The following EYA2 variants were observed in gnomAD, a reference collection of about 807,000 sequenced individuals.
The protein encoded by EYA2 is EYA transcriptional coactivator and phosphatase 2.
A neutral mutation model predicts 69.2 loss-of-function variants in EYA2; 31 were observed. The ratio of observed to expected loss-of-function variants is 0.45; its 90% CI spans 0.34 to 0.60. The LOEUF (loss-of-function observed/expected upper bound fraction) is 0.60, where lower values mean the gene tolerates loss of function less well. Ranked by LOEUF, EYA2 falls within the 20% of genes least tolerant of loss-of-function variation. The probability of loss-of-function intolerance (pLI) is 0.02; values close to 1 mark genes in which losing one functional copy is unlikely to be tolerated. For missense variants in EYA2, 622 were observed against 701.2 expected, an observed-to-expected ratio of 0.89 and a Z score of 1.28; for synonymous variants, 257 against 279.4, an observed-to-expected ratio of 0.92 and a Z score of 0.80.
rs1022934221 is a variant in EYA2 at position 47,161,316 on chromosome 20, G to A, written c.979-7823G>A. 6.5e-5 allele frequency: 33 copies of A among 508,456 alleles called. No homozygotes were observed. The Admixed American group carries it at 6.6e-4, about 10-fold the overall frequency. 31.5% of individuals were successfully genotyped at this position (508,456 alleles called of 1,614,324 possible). ...CCTTGGAGCACTTAACACCCAGATCGACATACCATTATAGTCACCGATGAC... is the reference window on the plus strand; with the variant it reads ...CCTTGGAGCACTTAACACCCAGATCAACATACCATTATAGTCACCGATGAC... On this transcript the variant is annotated intron_variant, in intron 10 of 15. Transcript: ENST00000327619.
At chr20:47,056,167 C>T (rs949587144) in intron 5 of EYA2, among the ~76,000 whole-genome samples, 1 of 152,156 alleles carries the variant, frequency 6.6e-6, no homozygotes, top group African/African-American at 2.4e-5. Context: ...CTAGACTCCA[C>T]GTGGAGCAAA....
chr20:47,034,614 C>G (rs1013916719), intron 5 of EYA2, among the ~76,000 whole-genome samples: 1 of 152,186 alleles, frequency 6.6e-6, no homozygotes, highest in East Asian at 1.9e-4. Context: ...GCCCGAGGCC[C>G]TGTCCCCACC....
At chr20:46,950,889 G>T (rs1432807341) in intron 1 of EYA2, among the ~76,000 whole-genome samples, 1 of 152,184 alleles carries the variant, frequency 6.6e-6, no homozygotes, top group East Asian at 1.9e-4. Context: ...ATGAAGCGAA[G>T]GAAAGTAACA....
intron 5 of EYA2, among the ~76,000 whole-genome samples, chr20:47,055,255 A>G (rs1386173643): frequency 6.6e-6 from 1 of 152,174 alleles, no homozygotes; most frequent in Non-Finnish European, 1.5e-5. Context: ...GTATCAGTGA[A>G]AATCTCTCTC....
intron 1 of EYA2, among the ~76,000 whole-genome samples, chr20:46,895,508 A>C (rs1983760872): frequency 6.6e-6 from 1 of 152,092 alleles, no homozygotes; most frequent in Admixed American, 6.5e-5. Context: ...ATTTCTTTTC[A>C]AAAGTCCGTT....
chr20:47,095,461 T>C (rs950858437), intron 8 of EYA2, among the ~76,000 whole-genome samples: 1 of 152,096 alleles, frequency 6.6e-6, no homozygotes, highest in Admixed American at 6.5e-5. Flanking sequence ...TGTAGAAAGA[T>C]GCAAGTCATT....
chr20:47,107,739 G>C (rs919786474), intron 9 of EYA2, among the ~76,000 whole-genome samples: 4 of 146,210 alleles, frequency 2.7e-5, no homozygotes, highest in Non-Finnish European at 6.1e-5. Context: ...AAAAGAAAAA[G>C]AAGAAGAGAG....
intron 7 of EYA2, among the ~76,000 whole-genome samples, chr20:47,074,929 T>G (rs916545844): frequency 2.0e-5 from 3 of 152,118 alleles, no homozygotes; most frequent in Admixed American, 6.5e-5. Flanking sequence ...CTGGCCAACA[T>G]GATGAAACCC....
At chr20:46,904,757 G>T (rs1387650627) in intron 1 of EYA2, among the ~76,000 whole-genome samples, 1 of 152,178 alleles carries the variant, frequency 6.6e-6, no homozygotes, top group Non-Finnish European at 1.5e-5. Flanking sequence ...GAACCTTCCA[G>T]ATCTGATATG....
intron 5 of EYA2, among the ~76,000 whole-genome samples, chr20:47,043,028 G>T (rs989107669): frequency 2.0e-5 from 3 of 152,164 alleles, no homozygotes; most frequent in Admixed American, 6.5e-5. Flanking sequence ...CCCATTAGGC[G>T]ACTGTAAATA....
intron 9 of EYA2, among the ~76,000 whole-genome samples, chr20:47,127,276 T>C (rs1197066083): frequency 1.3e-5 from 2 of 152,150 alleles, no homozygotes; most frequent in African/African-American, 4.8e-5. Flanking sequence ...TTCCCAAACA[T>C]CTACCTCTAC....
At chr20:47,147,936 G>A (rs368806301) in intron 10 of EYA2, among the ~76,000 whole-genome samples, 68 of 152,008 alleles carry the variant, frequency 4.5e-4, no homozygotes, top group African/African-American at 1.5e-3. Flanking sequence ...GCAGGCGCCT[G>A]TAATCCCAGC....
chr20:46,987,916 G>GACTCTGTCTCTCTC (rs56288405), intron 1 of EYA2, among the ~76,000 whole-genome samples: 1 of 20,352 alleles, frequency 4.9e-5, no homozygotes, highest in Non-Finnish European at 9.6e-5. Context: ...GACAGAGTAA[G>GACTCTGTCTCTCTC]TCTCTCTCTC....
At chr20:46,961,255 G>A (rs578196177) in intron 1 of EYA2, among the ~76,000 whole-genome samples, 4 of 152,186 alleles carry the variant, frequency 2.6e-5, no homozygotes, top group Non-Finnish European at 4.4e-5. Flanking sequence ...AAACCCAGGA[G>A]ACGGAGGTTA....
chr20:46,961,144 G>A (rs887825915), intron 1 of EYA2, among the ~76,000 whole-genome samples: 11 of 152,176 alleles, frequency 7.2e-5, no homozygotes, highest in African/African-American at 2.7e-4. Flanking sequence ...AGACCAGCCT[G>A]CCCAACACAG....
chr20:47,147,686 A>G (rs77817349), intron 10 of EYA2, among the ~76,000 whole-genome samples: 1,944 of 152,278 alleles, frequency 0.013, 36 homozygotes, highest in African/African-American at 0.045. Context: ...ACTCCAGAGG[A>G]CAAGGATTGA....
At chr20:46,964,531 C>G (rs1245856678) in intron 1 of EYA2, among the ~76,000 whole-genome samples, 3 of 152,190 alleles carry the variant, frequency 2.0e-5, no homozygotes, top group Non-Finnish European at 4.4e-5. Context: ...TTGCCTCCAA[C>G]CCCTCCCTGG....
In EYA2 at chr20:47,188,485, C is replaced by G. The variant is rs977461633; in HGVS notation, c.*352C>G. On this transcript the variant is annotated 3_prime_UTR_variant, in exon 16 of 16. Coordinates refer to ENST00000327619, the MANE Select transcript of EYA2 (RefSeq NM_005244.5). ...TCTTGTCTTCTTTTTAATTTATGGA[C>G]TAGTCTCATTACTCCGGAATTATGC... 9 of 535,010 alleles carry G rather than the reference C, an allele frequency of 1.7e-5. No homozygotes were observed. The highest frequency in any genetic ancestry group is 3.0e-5 in the Non-Finnish European group (9 of 303,342). The allele number at this position is 535,010 out of a possible 1,614,324, so 33.1% of individuals were successfully genotyped here. A position where few individuals can be genotyped will look rare whatever the true frequency, so the allele number is the denominator to read the frequency against.
At position 47,175,343 on chromosome 20, in the gene EYA2, A is replaced by G. The variant is rs541805862; in HGVS notation, c.1198+2476A>G. On this transcript the variant is annotated intron_variant, in intron 12 of 15. Transcript: ENST00000327619. ...CTTAGTAAATCACCATCTAGGAGGC[A>G]GGGGTTGAAATCAGGGGCCTTAGCC... Among the ~76,000 whole-genome samples, 33 of 152,356 alleles carry G rather than the reference A, an allele frequency of 2.2e-4. No homozygotes were observed. The South Asian group carries it at 6.6e-3, about 31-fold the overall frequency.
Sources: allele counts gnomAD v4.1 joint callset (sites outside exome capture counted in the v4.1 genomes callset), GRCh38; gene constraint gnomAD v4.1.1; transcripts MANE v1.5; gene names NCBI Gene and HGNC (gene_info 2026-07-23, HGNC 2026-07-21).